Variants in ADCY2 observed in about 807,000 individuals in gnomAD.
The protein encoded by ADCY2 is adenylate cyclase type 2.
A neutral mutation model predicts 125.2 loss-of-function variants in ADCY2; 31 were observed. That is an observed-to-expected ratio of 0.25 (90% CI 0.19 to 0.33). ADCY2 has a LOEUF of 0.33. Ranked by LOEUF, ADCY2 falls within the 10% of genes least tolerant of loss-of-function variation. The pLI is 1.00. For missense variants in ADCY2, 904 were observed against 1,418.2 expected (o/e 0.64, Z 5.82); for synonymous variants, 512 against 548.4 (o/e 0.93, Z 0.93).
intron 2 of ADCY2, among the ~76,000 whole-genome samples, chr5:7,452,444 T>A (rs1741509755): frequency 1.3e-5 from 2 of 152,228 alleles, no homozygotes; most frequent in Admixed American, 6.5e-5. Context: ...CATTCTTTTT[T>A]ATGGCTGAAT....
chr5:7,554,250 A>G (rs913976377), intron 3 of ADCY2, among the ~76,000 whole-genome samples: 3 of 152,240 alleles, frequency 2.0e-5, no homozygotes, highest in Non-Finnish European at 2.9e-5. Context: ...AACGAAAAGT[A>G]AGTAAATAAA....
chr5:7,817,112 A>C, intron 23 of ADCY2, 132 bp downstream of exon 23: 3 of 694,432 alleles, frequency 4.3e-6, no homozygotes, highest in Non-Finnish European at 7.5e-6. Context: ...GCAAGACTGG[A>C]TGACAGAAGG....
intron 16 of ADCY2, among the ~76,000 whole-genome samples, chr5:7,761,133 C>CTTTTTTTTTTTTTTTTT (rs1560959293): frequency 1.4e-5 from 1 of 73,000 alleles, no homozygotes; most frequent in African/African-American, 5.4e-5. Context: ...ATCAAAATTT[C>CTTTTTTTTTTTTTTTTT]TTTTCTTTTC....
intron 2 of ADCY2, among the ~76,000 whole-genome samples, chr5:7,454,256 A>G (rs577856105): frequency 6.6e-6 from 1 of 152,192 alleles, no homozygotes; most frequent in African/African-American, 2.4e-5. Flanking sequence ...TTTTAGCAAT[A>G]ATGTGCTTTT....
chr5:7,552,840 T>A (rs567735322), intron 3 of ADCY2, among the ~76,000 whole-genome samples: 13 of 152,350 alleles, frequency 8.5e-5, no homozygotes, highest in African/African-American at 3.1e-4. Context: ...ATGGTATTTT[T>A]AAATATTTTT....
intron 4 of ADCY2, among the ~76,000 whole-genome samples, chr5:7,660,028 G>A (rs1364682310): frequency 1.3e-5 from 2 of 152,142 alleles, no homozygotes; most frequent in Non-Finnish European, 2.9e-5. Context: ...ACCAGGGATT[G>A]CTTGAGAGGA....
chr5:7,544,995 C>T (rs547552945), intron 3 of ADCY2, among the ~76,000 whole-genome samples: 27 of 152,278 alleles, frequency 1.8e-4, no homozygotes, highest in Middle Eastern at 6.8e-3. Context: ...AGCTGGCTTC[C>T]TCTGGGCTAG....
rs139134861 is a variant in ADCY2, at chr5:7,478,919, G to A, written c.409-41819G>A. 3.3e-3 allele frequency among the ~76,000 whole-genome samples: 500 copies of A among 152,220 alleles called. 4 individuals carry two copies. The highest frequency in any genetic ancestry group is 0.011 in the African/African-American group (463 of 41,552). On this transcript the variant is annotated intron_variant, in intron 2 of 24. Coordinates refer to ENST00000338316, the MANE Select transcript of ADCY2 (RefSeq NM_020546.3). ...TTTAAGTTTAATTTGATAGTTCAGC[G>A]TGTCATTTATACAGGTAAAATGCCT...
chr5:7,745,982 C>A (rs953478855), intron 15 of ADCY2, among the ~76,000 whole-genome samples: 9 of 152,198 alleles, frequency 5.9e-5, no homozygotes, highest in Non-Finnish European at 1.2e-4. Context: ...TCCCTTTCAG[C>A]CTCGCTGGAA....
intron 4 of ADCY2, among the ~76,000 whole-genome samples, chr5:7,671,285 C>T (rs1418664760): frequency 6.6e-6 from 1 of 152,100 alleles, no homozygotes; most frequent in Non-Finnish European, 1.5e-5. Context: ...TAAGGTATTT[C>T]CCAACTTTTT....
intron 18 of ADCY2, among the ~76,000 whole-genome samples, chr5:7,774,717 G>C (rs931121386): frequency 6.6e-6 from 1 of 152,088 alleles, no homozygotes; most frequent in African/African-American, 2.4e-5. Context: ...ATTTGCGCTC[G>C]GTTTGTCTTT....
At chr5:7,633,199 G>A (rs1047820254) in intron 4 of ADCY2, among the ~76,000 whole-genome samples, 1 of 152,054 alleles carries the variant, frequency 6.6e-6, no homozygotes, top group Non-Finnish European at 1.5e-5. Flanking sequence ...GGGAGGCCGA[G>A]GCGGGCGGAT....
intron 2 of ADCY2, among the ~76,000 whole-genome samples, chr5:7,489,026 C>T (rs547697702): frequency 1.8e-4 from 27 of 152,290 alleles, no homozygotes; most frequent in Non-Finnish European, 3.7e-4. Flanking sequence ...CCTGCCTTCT[C>T]CCCAGTTTAC....
At chr5:7,817,962 G>T (rs1279468230) in intron 23 of ADCY2, among the ~76,000 whole-genome samples, 1 of 148,316 alleles carries the variant, frequency 6.7e-6, no homozygotes, top group African/African-American at 2.5e-5. Context: ...ACAAATTGTT[G>T]TTTTTTTAAA....
At chr5:7,599,575 C>G (rs1003298067) in intron 3 of ADCY2, among the ~76,000 whole-genome samples, 2 of 152,134 alleles carry the variant, frequency 1.3e-5, no homozygotes, top group Non-Finnish European at 2.9e-5. Flanking sequence ...GATTGATCAT[C>G]TGAATTATGG....
intron 4 of ADCY2, chr5:7,653,994 G>T: frequency 2.2e-6 from 1 of 448,820 alleles, no homozygotes; most frequent in Non-Finnish European, 4.5e-6. Flanking sequence ...GAGAAGACCA[G>T]TGGAGCCACA....
chr5:7,588,205 G>T (rs1017622542), intron 3 of ADCY2, among the ~76,000 whole-genome samples: 62 of 152,118 alleles, frequency 4.1e-4, no homozygotes, highest in Non-Finnish European at 7.9e-4. Flanking sequence ...TTTTAAAATG[G>T]AATGTTTTGG....
chr5:7,581,451 A>C (rs1185302090), intron 3 of ADCY2, among the ~76,000 whole-genome samples: 6 of 152,004 alleles, frequency 3.9e-5, no homozygotes, highest in Non-Finnish European at 8.8e-5. Context: ...TAGTAATGCA[A>C]AGAGGTATAG....
chr5:7,536,488 T>C (rs548125122), intron 3 of ADCY2, among the ~76,000 whole-genome samples: 29 of 152,324 alleles, frequency 1.9e-4, no homozygotes, highest in African/African-American at 6.5e-4. Flanking sequence ...GTGGGGTCAG[T>C]TGATTCTCAC....
Sources: gnomAD v4.1 joint callset for allele counts (sites outside exome capture counted in the v4.1 genomes callset) on GRCh38, gnomAD v4.1.1 for gene constraint, MANE v1.5 for transcripts, NCBI Gene and HGNC (gene_info 2026-07-23, HGNC 2026-07-21) for gene names.